Variants in MYO9A observed in about 807,000 individuals in gnomAD.
The protein encoded by MYO9A is myosin IXA, also known as unconventional myosin-IXa.
MYO9A carries 103 observed loss-of-function variants against 293.3 expected under a neutral mutation model. That is an observed-to-expected ratio of 0.35 (90% CI 0.30 to 0.41). The LOEUF (loss-of-function observed/expected upper bound fraction) is 0.41. Among genes scored for constraint, MYO9A ranks in the 10% least tolerant of loss-of-function variants. MYO9A has a pLI of 1.00. For missense variants in MYO9A, 2,685 were observed against 3,033.0 expected, an observed-to-expected ratio of 0.89 and a Z score of 2.69; for synonymous variants, 1,001 against 1,035.7, an observed-to-expected ratio of 0.97 and a Z score of 0.64.
At chr15:71,883,536 T>C in intron 28 of MYO9A, 58 bp downstream of exon 28, 4 of 1,554,274 alleles carry the variant, frequency 2.6e-6, no homozygotes, top group Non-Finnish European at 3.5e-6. Context: ...AATAGCAAAC[T>C]TTCAGAAAGA....
In MYO9A at chr15:72,062,028, G is replaced by A. The variant is rs557999833; in HGVS notation, c.-71-15394C>T. Among the ~76,000 whole-genome samples, 10 of 152,266 alleles carry A rather than the reference G, an allele frequency of 6.6e-5. No individual in the cohort carries two copies. In the East Asian group the frequency reaches 1.7e-3, roughly 26 times the overall value. On this transcript the variant is annotated intron_variant, in intron 1 of 41. Coordinates refer to ENST00000356056, the MANE Select transcript of MYO9A (RefSeq NM_006901.4). ...TCCACTAGTTTGAGGAAAAGTAAGG[G>A]AAGAGAACAAGAGATTCTGCCTGGT... is the stretch of plus-strand genomic sequence containing the variant.
At chr15:71,972,543 T>C (rs2076038376) in intron 12 of MYO9A, among the ~76,000 whole-genome samples, 1 of 152,116 alleles carries the variant, frequency 6.6e-6, no homozygotes, top group South Asian at 2.1e-4. Flanking sequence ...AGGTAGATAG[T>C]ATCAAATTTG....
chr15:71,905,178 A>G (rs2057593982), intron 19 of MYO9A, among the ~76,000 whole-genome samples, 172 bp from the exon 20 acceptor site: 2 of 152,228 alleles, frequency 1.3e-5, no homozygotes, highest in Non-Finnish European at 2.9e-5. Flanking sequence ...ATTATGGATA[A>G]TTAAGGATAA....
chr15:71,908,463 TA>T (rs2057736431), intron 19 of MYO9A, among the ~76,000 whole-genome samples: 1 of 152,234 alleles, frequency 6.6e-6, no homozygotes, highest in South Asian at 2.1e-4. Context: ...GCCCGGCCGA[TA>T]ATATCCATTT....
At chr15:71,942,733 T>C (rs1312025280) in intron 15 of MYO9A, among the ~76,000 whole-genome samples, 1 of 152,068 alleles carries the variant, frequency 6.6e-6, no homozygotes, top group Non-Finnish European at 1.5e-5. Flanking sequence ...AGTCATCCCC[T>C]TCTCATTAGG....
chr15:71,910,141 T>TAC (rs2057796189), intron 19 of MYO9A, among the ~76,000 whole-genome samples: 1 of 133,692 alleles, frequency 7.5e-6, no homozygotes, highest in African/African-American at 2.7e-5. Flanking sequence ...TATATATATA[T>TAC]ACGTGTGTGT....
At chr15:72,047,774 C>CTTTTTTTTTTTTTTTTT (rs11397735) in intron 1 of MYO9A, among the ~76,000 whole-genome samples, 2 of 74,390 alleles carry the variant, frequency 2.7e-5, no homozygotes, top group Non-Finnish European at 2.3e-5. Context: ...CAGTTACTTC[C>CTTTTTTTTTTTTTTTTT]TTTTTTTTTT....
chr15:71,990,023 A>G (rs2076498881), intron 11 of MYO9A, among the ~76,000 whole-genome samples: 1 of 151,860 alleles, frequency 6.6e-6, no homozygotes, highest in Non-Finnish European at 1.5e-5. Context: ...AAGAAGACCC[A>G]TCTCTAAAAA....
intron 1 of MYO9A, among the ~76,000 whole-genome samples, chr15:72,052,521 T>C (rs934577571): frequency 2.0e-5 from 3 of 152,148 alleles, no homozygotes; most frequent in Admixed American, 6.5e-5. Context: ...GTTCGTCCCA[T>C]TGTAGGCAAC....
At chr15:71,863,243 A>AT (rs1239742033) in intron 32 of MYO9A, among the ~76,000 whole-genome samples, 2 of 151,884 alleles carry the variant, frequency 1.3e-5, no homozygotes, top group Admixed American at 6.6e-5. Flanking sequence ...TAAAATATAT[A>AT]TTTTTTTGTA....
At chr15:71,974,915 G>C (rs2076098554) in intron 12 of MYO9A, among the ~76,000 whole-genome samples, 1 of 152,192 alleles carries the variant, frequency 6.6e-6, no homozygotes, top group African/African-American at 2.4e-5. Flanking sequence ...CTACTGGAGA[G>C]GAGGAATAGC....
intron 1 of MYO9A, among the ~76,000 whole-genome samples, chr15:72,089,554 A>G (rs2079842317): frequency 6.6e-6 from 1 of 151,968 alleles, no homozygotes; most frequent in Admixed American, 6.6e-5. Flanking sequence ...GGAAGGGAGG[A>G]GGATCACTTG....
chr15:71,953,689 T>A (rs1399829304), intron 14 of MYO9A: 1 of 152,098 alleles, frequency 6.6e-6, no homozygotes, highest in Non-Finnish European at 1.5e-5. Flanking sequence ...TGTTCTTTCA[T>A]TCTGCTTTCT....
intron 25 of MYO9A, among the ~76,000 whole-genome samples, chr15:71,895,610 A>G (rs2057299883): frequency 6.6e-6 from 1 of 152,202 alleles, no homozygotes; most frequent in Non-Finnish European, 1.5e-5. Flanking sequence ...ACCAGCATTT[A>G]TGATTCTACA....
intron 18 of MYO9A, among the ~76,000 whole-genome samples, chr15:71,926,578 A>G (rs747770969): frequency 6.6e-6 from 1 of 152,152 alleles, no homozygotes; most frequent in East Asian, 1.9e-4. Flanking sequence ...ATGGTGGTAC[A>G]TGCCTATATT....
At chr15:71,881,421 C>T (rs1421203521) in intron 28 of MYO9A, among the ~76,000 whole-genome samples, 1 of 152,010 alleles carries the variant, frequency 6.6e-6, no homozygotes, top group Non-Finnish European at 1.5e-5. Flanking sequence ...AAGTAGCCCC[C>T]TACATGCTAA....
In MYO9A at chr15:71,878,079, A is replaced by G. The variant is rs1027580045; in HGVS notation, c.5892T>C (p.Tyr1964=). 2 of 1,608,720 alleles carry G rather than the reference A, an allele frequency of 1.2e-6. No individual in the cohort carries two copies. Among genetic ancestry groups the G allele is most frequent in the South Asian group, 1.1e-5 (1 of 90,004 alleles). The change falls in exon 31 of 42, where the codon TAT becomes TAC. Residue 1964 remains tyrosine, a synonymous_variant. Transcript: ENST00000356056. The stretch of plus-strand genomic sequence containing the variant: ...AATCTGAAGTCTTGAATTCATTCAT[A>G]TATTCATCTAAAAACACTTTAAAAG... ...VNTFKVFLDE[Y]MNEFKTSDCT...
At chr15:71,846,339 A>C (rs2141170120) in intron 39 of MYO9A, among the ~76,000 whole-genome samples, 1 of 152,288 alleles carries the variant, frequency 6.6e-6, no homozygotes, top group Non-Finnish European at 1.5e-5. Flanking sequence ...CACTCCTCCC[A>C]GTCTCAACAT....
intron 34 of MYO9A, among the ~76,000 whole-genome samples, chr15:71,859,101 T>C (rs1241577460): frequency 6.6e-6 from 1 of 152,234 alleles, no homozygotes; most frequent in Non-Finnish European, 1.5e-5. Context: ...CTCTCTGTAC[T>C]TTGCCATGAT....
Sources: allele counts gnomAD v4.1 joint callset (sites outside exome capture counted in the v4.1 genomes callset), GRCh38; gene constraint gnomAD v4.1.1; transcripts MANE v1.5; gene names NCBI Gene and HGNC (gene_info 2026-07-23, HGNC 2026-07-21).